The following CARF variants were observed in gnomAD, a reference collection of about 807,000 sequenced individuals.
CARF encodes the protein calcium-responsive transcription factor.
Under a neutral mutation model 82.0 loss-of-function variants are expected in CARF, and 57 were observed. The ratio of observed to expected loss-of-function variants is 0.70; its 90% confidence interval spans 0.56 to 0.87. The LOEUF is 0.87. Ranked by LOEUF, CARF falls within the 40% of genes least tolerant of loss-of-function variation. CARF has a pLI of 0.00. For synonymous variants in CARF, 268 were observed against 290.1 expected (o/e 0.92, Z 0.77); for missense variants, 771 against 855.8 (o/e 0.90, Z 1.24).
rs546716702 is a variant in CARF at position 202,974,109 on chromosome 2, C to T, written c.1332-225C>T. 2.0e-5 allele frequency among the ~76,000 whole-genome samples: 3 copies of T among 152,178 alleles called. No homozygotes were observed. In the South Asian group the frequency reaches 6.2e-4, roughly 32 times the overall value. ...TCTCAAAAAATAATAACAAAACTCACTCTAATATATTTAGATGTTTTACCA... is the reference window on the plus strand; with the variant it reads ...TCTCAAAAAATAATAACAAAACTCATTCTAATATATTTAGATGTTTTACCA... On this transcript the variant is annotated intron_variant, in intron 12 of 16. Coordinates refer to ENST00000438828, the MANE Select transcript of CARF (RefSeq NM_024744.17).
intron 2 of CARF, among the ~76,000 whole-genome samples, 181 bp from the exon 3 acceptor site, chr2:202,924,116 A>G (rs1333761457): frequency 2.0e-5 from 3 of 152,156 alleles, no homozygotes; most frequent in Non-Finnish European, 2.9e-5. Flanking sequence ...CATCTTGCCA[A>G]TTTTTTTAGT....
intron 2 of CARF, among the ~76,000 whole-genome samples, chr2:202,919,947 T>C (rs1264125133): frequency 1.3e-5 from 2 of 152,184 alleles, no homozygotes; most frequent in Non-Finnish European, 2.9e-5. Context: ...ACTTTTAGCA[T>C]AGTACCTTAC....
At chr2:202,983,312 C>G (rs549116228) in intron 16 of CARF, among the ~76,000 whole-genome samples, 194 bp from the exon 17 acceptor site, 1 of 152,314 alleles carries the variant, frequency 6.6e-6, no homozygotes, top group South Asian at 2.1e-4. Flanking sequence ...ACTCTGTTAA[C>G]TCCTACTTTA....
rs935789415 is a variant in CARF, at chr2:202,987,040, C to T, written c.*3416C>T. 2 of 149,802 alleles carry T rather than the reference C, an allele frequency of 1.3e-5. No individual in the cohort carries two copies. Among genetic ancestry groups the T allele is most frequent in the African/African-American group, 2.5e-5 (1 of 40,752 alleles). The allele number at this position is 149,802 out of a possible 1,614,324, so 9.3% of individuals were successfully genotyped here. The stretch of plus-strand genomic sequence containing the variant: ...GGCAATTTTGTTCATCTTGAAGATG[C>T]TGAATAAACACTTGAATACCCGAGA... On this transcript the variant is annotated 3_prime_UTR_variant, in exon 17 of 17. Transcript: ENST00000438828.
Position 202,926,754 on chromosome 2 carries a change from T to C in CARF, c.-44+2339T>C, listed in dbSNP as rs531711556. 1.1e-4 allele frequency among the ~76,000 whole-genome samples: 17 copies of C among 152,362 alleles called. No homozygotes were observed. In the South Asian group the frequency reaches 3.5e-3, roughly 32 times the overall value. ...TGTCATCACTCATTCAGATATTCTT[T>C]AATTTCTCCTACCTAGGTTTTGTAG... On this transcript the variant is annotated intron_variant, in intron 3 of 16. Coordinates refer to ENST00000438828, the MANE Select transcript of CARF (RefSeq NM_024744.17).
Position 202,913,003 on chromosome 2 carries a change from A to G in CARF, c.-429A>G, listed in dbSNP as rs1688919804. ...TTTCTGAGGGAGGATGGATGGAGAT[A>G]ACTATCCTGATCCCAATGTCACTTT... On this transcript the variant is annotated 5_prime_UTR_variant, in exon 1 of 17. It adds an upstream start codon to the 5' untranslated region. Transcript: ENST00000438828. 1 of 152,238 alleles carries G rather than the reference A, an allele frequency of 6.6e-6. No individual in the cohort carries two copies. Among genetic ancestry groups the G allele is most frequent in the Non-Finnish European group, 1.5e-5 (1 of 68,058 alleles). 9.4% of individuals were successfully genotyped at this position (152,238 alleles called of 1,614,324 possible). A position where few individuals can be genotyped will look rare whatever the true frequency, so the allele number is the denominator to read the frequency against.
chr2:202,913,740 G>C (rs1286817080), intron 1 of CARF, among the ~76,000 whole-genome samples: 1 of 152,086 alleles, frequency 6.6e-6, no homozygotes, highest in Admixed American at 6.5e-5. Context: ...TATGTCATTG[G>C]TTAAAATATA....
At chr2:202,932,900 T>C (rs1693205370) in intron 3 of CARF, among the ~76,000 whole-genome samples, 1 of 152,036 alleles carries the variant, frequency 6.6e-6, no homozygotes, top group African/African-American at 2.4e-5. Flanking sequence ...TACTGTCAGC[T>C]CAGCCCTGGG....
Position 202,917,989 on chromosome 2 carries a change from TG to T in CARF, c.-212del. ...TTCAGTGGACAAGAAAGGACATTTC[TG>T]GGGGTAGTAGAATGCTTGAGGCCTG... On this transcript the variant is annotated 5_prime_UTR_variant, in exon 2 of 17. Coordinates refer to ENST00000438828, the MANE Select transcript of CARF (RefSeq NM_024744.17). The T allele has an allele frequency of 2.2e-6, 1 of 444,970 alleles. No homozygotes were observed. The highest frequency in any genetic ancestry group is 4.5e-6 in the Non-Finnish European group (1 of 223,026). The allele number at this position is 444,970 out of a possible 1,614,324, so 27.6% of individuals were successfully genotyped here. A position where few individuals can be genotyped will look rare whatever the true frequency, so the allele number is the denominator to read the frequency against.
chr2:202,931,031 A>G (rs1483558800), intron 3 of CARF, among the ~76,000 whole-genome samples: 2 of 139,232 alleles, frequency 1.4e-5, no homozygotes, highest in African/African-American at 5.5e-5. Flanking sequence ...CTGGAGTGCA[A>G]TGGTGCAGTC....
chr2:202,972,801 C>A (rs771342998), intron 12 of CARF, among the ~76,000 whole-genome samples: 13 of 151,544 alleles, frequency 8.6e-5, no homozygotes, highest in African/African-American at 2.9e-4. Context: ...GTAATCTGAT[C>A]TGAATAACAA....
chr2:202,935,879 C>T (rs1467191529), intron 3 of CARF, among the ~76,000 whole-genome samples: 1 of 152,086 alleles, frequency 6.6e-6, no homozygotes, highest in Non-Finnish European at 1.5e-5. Flanking sequence ...TGCAGTGGTA[C>T]AGTCACAGCT....
chr2:202,969,872 T>G, intron 10 of CARF, 47 bp from the exon 11 acceptor site: 237 of 1,207,160 alleles, frequency 2.0e-4, no homozygotes, highest in Non-Finnish European at 2.4e-4. Flanking sequence ...TAGATTATCT[T>G]GAGATTATAA....
At chr2:202,913,582 G>C (rs373029202) in intron 1 of CARF, among the ~76,000 whole-genome samples, 3 of 152,178 alleles carry the variant, frequency 2.0e-5, no homozygotes, top group Non-Finnish European at 4.4e-5. Context: ...TCACTTATTA[G>C]GCTTGAGCTT....
chr2:202,919,373 G>T (rs1690354629), intron 2 of CARF, among the ~76,000 whole-genome samples: 1 of 152,116 alleles, frequency 6.6e-6, no homozygotes, highest in Non-Finnish European at 1.5e-5. Flanking sequence ...ATAAAATTAG[G>T]CTAGTAAAGG....
At chr2:202,933,060 G>A (rs143023094) in intron 3 of CARF, among the ~76,000 whole-genome samples, 1 of 152,248 alleles carries the variant, frequency 6.6e-6, no homozygotes, top group Non-Finnish European at 1.5e-5. Context: ...CACTGGAGAG[G>A]CATGACTGCT....
rs189960840 is a variant in CARF at position 202,915,103 on chromosome 2, G to A, written c.-330+2001G>A. Among the ~76,000 whole-genome samples the A allele has an allele frequency of 2.1e-3, 315 of 151,304 alleles. 2 individuals are homozygous for A. Among genetic ancestry groups the A allele is most frequent in the African/African-American group, 7.1e-3 (292 of 41,230 alleles). On this transcript the variant is annotated intron_variant, in intron 1 of 16. Coordinates refer to ENST00000438828, the MANE Select transcript of CARF (RefSeq NM_024744.17). ...GCTATCTTAGCTCACTGCAACCTCC[G>A]CCTTCCAGGTTGAAGCGATTCTCCT... is the stretch of plus-strand genomic sequence containing the variant.
chr2:202,925,094 A>C, intron 3 of CARF: 1 of 407,436 alleles, frequency 2.5e-6, no homozygotes, highest in Non-Finnish European at 4.9e-6. Context: ...CAGCAACTGG[A>C]CACACTGAGC....
At chr2:202,941,822 T>G (rs1359674548) in intron 3 of CARF, 38 bp from the exon 4 acceptor site, 3 of 1,061,578 alleles carry the variant, frequency 2.8e-6, no homozygotes, top group East Asian at 5.0e-5. Context: ...ACAAAAATAC[T>G]AAGTGCTTTA....
Sources: gnomAD v4.1 joint callset for allele counts (sites outside exome capture counted in the v4.1 genomes callset) on GRCh38, gnomAD v4.1.1 for gene constraint, MANE v1.5 for transcripts, NCBI Gene and HGNC (gene_info 2026-07-23, HGNC 2026-07-21) for gene names.